The following CASD1 variants were observed in gnomAD, a reference collection of about 807,000 sequenced individuals.
CASD1 encodes the protein N-acetylneuraminate (7)9-O-acetyltransferase.
A neutral mutation model predicts 100.0 loss-of-function variants in CASD1; 41 were observed. The ratio of observed to expected loss-of-function variants is 0.41; its 90% CI spans 0.32 to 0.53. CASD1 has a LOEUF of 0.53. CASD1 is among the 20% of genes least tolerant of loss of function. The probability of loss-of-function intolerance (pLI) is 0.25; values close to 1 mark genes in which losing one functional copy is unlikely to be tolerated. For synonymous variants in CASD1, 321 were observed against 315.6 expected, an observed-to-expected ratio of 1.02 and a Z score of -0.18; for missense variants, 774 against 948.7, an observed-to-expected ratio of 0.82 and a Z score of 2.42.
At chr7:94,591,189 T>C in the CASD1 span, among the ~76,000 whole-genome samples, 1 of 152,210 alleles carries the variant, frequency 6.6e-6, no homozygotes, top group Non-Finnish European at 1.5e-5. Flanking sequence ...AAAGATCAAT[T>C]TATAAACTAC....
the CASD1 span, among the ~76,000 whole-genome samples, chr7:94,609,103 A>G: frequency 1.3e-5 from 2 of 152,264 alleles, no homozygotes; most frequent in Non-Finnish European, 2.9e-5. Flanking sequence ...CTTCTGCAAA[A>G]GACACTGCCA....
the CASD1 span, chr7:94,619,888 G>A: frequency 6.6e-6 from 1 of 152,136 alleles, no homozygotes; most frequent in Admixed American, 6.5e-5. Flanking sequence ...TATGCTAAAA[G>A]AGACTGCATA....
chr7:94,531,206 A>G (rs564166058), intron 5 of CASD1, among the ~76,000 whole-genome samples: 1 of 152,168 alleles, frequency 6.6e-6, no homozygotes, highest in Middle Eastern at 3.4e-3. Flanking sequence ...AGAGTGGAGG[A>G]GGAGGACAAG....
the CASD1 span, chr7:94,599,813 G>A: frequency 3.1e-6 from 3 of 966,264 alleles, no homozygotes; most frequent in African/African-American, 1.6e-5. Flanking sequence ...GCATGATGTG[G>A]AAATGCTGAC....
In CASD1 at chr7:94,545,688, A is replaced by T. The variant is rs148818434; in HGVS notation, c.1620A>T (p.Gln540His). The change falls in exon 12 of 18, where the codon CAA becomes CAT. Residue 540 changes from glutamine to histidine, a missense_variant. Physicochemically the swap from Gln to His is conservative, Grantham distance 24. This residue lies in a region of CASD1 where 453 missense variants were observed against 532.6 expected (regional missense o/e 0.85). Transcript: ENST00000297273. Reference protein sequence around the residue: ...VTLALWPQIIQKKANGNCFWH... With the variant: ...VTLALWPQIIHKKANGNCFWH... The stretch of plus-strand genomic sequence containing the variant: ...TAGCACTATGGCCACAAATAATCCA[A>T]AAAAAAGCAAACGGTAAATATACTT... The T allele has an allele frequency of 1.4e-3, 2,187 of 1,587,310 alleles. 4 individuals carry two copies. Among genetic ancestry groups the T allele is most frequent in the Non-Finnish European group, 1.8e-3 (2,063 of 1,166,274 alleles).
At chr7:94,518,644 A>T (rs1363703673) in intron 3 of CASD1, among the ~76,000 whole-genome samples, 1 of 152,114 alleles carries the variant, frequency 6.6e-6, no homozygotes, top group Non-Finnish European at 1.5e-5. Context: ...TTCTCCTGTT[A>T]GTATTTTTCC....
chr7:94,582,930 T>C, the CASD1 span, among the ~76,000 whole-genome samples: 1 of 152,180 alleles, frequency 6.6e-6, no homozygotes. Context: ...AGGAAGCAAA[T>C]GGTAGAGGTG....
At chr7:94,548,447 T>C (rs1404680843) in intron 13 of CASD1, among the ~76,000 whole-genome samples, 1 of 151,714 alleles carries the variant, frequency 6.6e-6, no homozygotes, top group Admixed American at 6.6e-5. Flanking sequence ...TATATATACA[T>C]ATATATACAC....
intron 3 of CASD1, among the ~76,000 whole-genome samples, chr7:94,525,116 A>G (rs923629561): frequency 8.8e-5 from 13 of 148,390 alleles, no homozygotes; most frequent in African/African-American, 3.2e-4. Flanking sequence ...AAAAGAGAAA[A>G]ACTATAGAAT....
chr7:94,545,503 C>G (rs1795631356), intron 11 of CASD1, 42 bp from the exon 12 acceptor site: 2 of 1,516,574 alleles, frequency 1.3e-6, no homozygotes, highest in Non-Finnish European at 1.8e-6. Context: ...AGAATGAAAA[C>G]AATTACTTAG....
chr7:94,536,560 AG>A (rs1356682205), intron 8 of CASD1, among the ~76,000 whole-genome samples: 1 of 152,228 alleles, frequency 6.6e-6, no homozygotes, highest in Non-Finnish European at 1.5e-5. Flanking sequence ...TATACATAAA[AG>A]GGCTTGATGA....
the CASD1 span, among the ~76,000 whole-genome samples, chr7:94,613,311 A>C: frequency 1.3e-5 from 2 of 152,228 alleles, no homozygotes; most frequent in Non-Finnish European, 2.9e-5. Flanking sequence ...TGCTAAAATT[A>C]TGTTTTTCAT....
Position 94,510,021 on chromosome 7 carries a change from G to C in CASD1, c.-64G>C. 1 of 1,432,258 alleles carries C rather than the reference G, an allele frequency of 7.0e-7. No homozygotes were observed. Among genetic ancestry groups the C allele is most frequent in the Non-Finnish European group, 9.3e-7 (1 of 1,080,538 alleles). The allele number at this position is 1,432,258 out of a possible 1,614,324, so 88.7% of individuals were successfully genotyped here. A position where few individuals can be genotyped will look rare whatever the true frequency, so the allele number is the denominator to read the frequency against. On this transcript the variant is annotated 5_prime_UTR_variant, in exon 1 of 18. Transcript: ENST00000297273. ...CCTGGCTGCAGCGGCGGCAGCCCCA[G>C]TGCTGCCCCTGTGCGGCGCCCCTTT...
intron 6 of CASD1, 46 bp from the exon 7 acceptor site, chr7:94,533,629 ATTGT>A (rs749094063): frequency 5.7e-6 from 8 of 1,401,494 alleles, no homozygotes; most frequent in East Asian, 2.5e-5. Context: ...ATATACTTTA[ATTGT>A]TTGTGATAAA....
chr7:94,537,944 A>G (rs1405899618), intron 9 of CASD1, 50 bp downstream of exon 9: 2 of 1,012,866 alleles, frequency 2.0e-6, no homozygotes, highest in Non-Finnish European at 3.0e-6. Flanking sequence ...GTCTCATTAC[A>G]TACTCTGTGT....
chr7:94,525,264 G>A (rs1794505303), intron 3 of CASD1, among the ~76,000 whole-genome samples: 1 of 152,104 alleles, frequency 6.6e-6, no homozygotes. Context: ...TGGAGAGAAA[G>A]CCAACAACAT....
chr7:94,608,825 GAC>G, the CASD1 span, among the ~76,000 whole-genome samples: 45 of 152,302 alleles, frequency 3.0e-4, no homozygotes, highest in South Asian at 9.1e-3. Context: ...ATGGAGGAAA[GAC>G]AGTCTTTTGA....
At chr7:94,588,534 C>T in the CASD1 span, 1 of 1,475,568 alleles carries the variant, frequency 6.8e-7, no homozygotes, top group South Asian at 1.4e-5. Context: ...ATAATCTAAG[C>T]TATTATTCTG....
intron 15 of CASD1, 77 bp from the exon 16 acceptor site, chr7:94,552,273 T>TAAA: frequency 1.2e-6 from 1 of 838,116 alleles, no homozygotes; most frequent in Non-Finnish European, 1.9e-6. Flanking sequence ...TAAAGAACTG[T>TAAA]AAAAAAAAAA....
Sources: gnomAD v4.1 joint callset for allele counts (sites outside exome capture counted in the v4.1 genomes callset) on GRCh38, gnomAD v4.1.1 for gene constraint, gnomAD v4.1.1 regional missense constraint, MANE v1.5 for transcripts, NCBI Gene and HGNC (gene_info 2026-07-23, HGNC 2026-07-21) for gene names.